The following TENM3 variants were observed in gnomAD, a reference collection of about 807,000 sequenced individuals.
The protein encoded by TENM3 is teneurin transmembrane protein 3.
A neutral mutation model predicts 255.1 loss-of-function variants in TENM3; 63 were observed. The observed-to-expected ratio is 0.25, with a 90% CI of 0.20 to 0.30. The LOEUF (loss-of-function observed/expected upper bound fraction) is 0.30, where lower values mean the gene tolerates loss of function less well. TENM3 is among the 10% of genes least tolerant of loss of function. The pLI is 1.00. For synonymous variants in TENM3, 1,306 were observed against 1,322.3 expected, an observed-to-expected ratio of 0.99 and a Z score of 0.27; for missense variants, 2,929 against 3,461.1, an observed-to-expected ratio of 0.85 and a Z score of 3.86.
At chr4:181,527,610 G>A in the TENM3 span, among the ~76,000 whole-genome samples, 6 of 149,612 alleles carry the variant, frequency 4.0e-5, no homozygotes, top group Non-Finnish European at 7.4e-5. Context: ...AAGCCACCAT[G>A]CCCAGCCAGG....
the TENM3 span, among the ~76,000 whole-genome samples, chr4:181,521,849 C>A: frequency 3.9e-5 from 6 of 152,076 alleles, no homozygotes; most frequent in Admixed American, 3.3e-4. Flanking sequence ...GTAATCCCAG[C>A]ACTTTGGAAG....
chr4:181,969,176 C>G, the TENM3 span, among the ~76,000 whole-genome samples: 2 of 152,132 alleles, frequency 1.3e-5, no homozygotes. Flanking sequence ...GCGTATTGTT[C>G]CACTGCCAAA....
chr4:181,714,939 A>G, the TENM3 span, among the ~76,000 whole-genome samples: 8 of 152,236 alleles, frequency 5.3e-5, no homozygotes, highest in African/African-American at 1.9e-4. Flanking sequence ...AAGTTCTCAG[A>G]AGCAATGAAC....
intron 3 of TENM3, among the ~76,000 whole-genome samples, chr4:182,460,525 C>A (rs1031972955): frequency 2.0e-5 from 3 of 151,974 alleles, no homozygotes; most frequent in African/African-American, 7.3e-5. Context: ...CTAGCGGTTG[C>A]CTGTGAAAGG....
At chr4:181,646,199 G>C in the TENM3 span, among the ~76,000 whole-genome samples, 1 of 152,196 alleles carries the variant, frequency 6.6e-6, no homozygotes, top group Admixed American at 6.5e-5. Flanking sequence ...AGATACACGA[G>C]CAATTATGTG....
At chr4:181,508,775 A>T in the TENM3 span, among the ~76,000 whole-genome samples, 1 of 151,704 alleles carries the variant, frequency 6.6e-6, no homozygotes, top group Admixed American at 6.6e-5. Context: ...CATCCCACTG[A>T]TGCCAGGAAG....
At chr4:182,734,121 A>G (rs896987635) in intron 16 of TENM3, among the ~76,000 whole-genome samples, 2 of 152,240 alleles carry the variant, frequency 1.3e-5, no homozygotes, top group African/African-American at 4.8e-5. Context: ...GAAGAATGAT[A>G]CAAGTTCAAA....
chr4:182,250,645 G>A (rs529956825), intron 1 of TENM3, among the ~76,000 whole-genome samples: 2 of 152,264 alleles, frequency 1.3e-5, no homozygotes, highest in South Asian at 2.1e-4. Flanking sequence ...GAATTCTTAC[G>A]TGTGAATGAT....
At chr4:181,941,814 G>C in the TENM3 span, among the ~76,000 whole-genome samples, 1 of 152,110 alleles carries the variant, frequency 6.6e-6, no homozygotes, top group South Asian at 2.1e-4. Context: ...TTCCCTGCCA[G>C]CTCCAGTTGT....
chr4:181,880,369 A>G, the TENM3 span, among the ~76,000 whole-genome samples: 1 of 152,228 alleles, frequency 6.6e-6, no homozygotes, highest in Non-Finnish European at 1.5e-5. Flanking sequence ...TATCAATAAC[A>G]CATGCAAATA....
chr4:182,615,065 A>AAT (rs1749364146), intron 4 of TENM3, among the ~76,000 whole-genome samples: 1 of 119,820 alleles, frequency 8.3e-6, no homozygotes, highest in Admixed American at 9.2e-5. Flanking sequence ...ATATATATAT[A>AAT]TGTATTTTTT....
Position 182,517,629 on chromosome 4 carries a change from C to T in TENM3, c.512-83295C>T, listed in dbSNP as rs531648752. Among the ~76,000 whole-genome samples the T allele has an allele frequency of 2.3e-5, 3 of 130,082 alleles. No individual in the cohort carries two copies. The South Asian group carries it at 6.8e-4, about 29-fold the overall frequency. The allele number at this position is 130,082 out of a possible 152,430, so 85.3% of individuals were successfully genotyped here. ...CGATCTCCTGACCTCGTGATCCGCC[C>T]GCCTCGGCCTCCCAAAGTGCTGGGA... On this transcript the variant is annotated intron_variant, in intron 3 of 27. Coordinates refer to ENST00000511685, the MANE Select transcript of TENM3 (RefSeq NM_001080477.4).
intron 3 of TENM3, among the ~76,000 whole-genome samples, chr4:182,480,119 A>T (rs1313199256): frequency 6.6e-6 from 1 of 152,006 alleles, no homozygotes; most frequent in Non-Finnish European, 1.5e-5. Flanking sequence ...TACGATCTAT[A>T]TTATTGTAGA....
At chr4:182,262,120 A>G (rs1758839043) in intron 1 of TENM3, among the ~76,000 whole-genome samples, 1 of 152,198 alleles carries the variant, frequency 6.6e-6, no homozygotes, top group Non-Finnish European at 1.5e-5. Flanking sequence ...ATAAGGAAGA[A>G]CTGCATTTTT....
At chr4:181,550,941 AAGTC>A in the TENM3 span, among the ~76,000 whole-genome samples, 44,012 of 151,866 alleles carry the variant, frequency 0.29, 7,042 homozygotes, top group Non-Finnish European at 0.36. Context: ...CCATTCCTGT[AAGTC>A]AGTGGGCTCA....
chr4:182,112,591 T>G, the TENM3 span, among the ~76,000 whole-genome samples: 4 of 152,204 alleles, frequency 2.6e-5, no homozygotes, highest in African/African-American at 9.6e-5. Context: ...TAAAAGGATT[T>G]TATTTTACTC....
chr4:181,514,278 G>GT, the TENM3 span, among the ~76,000 whole-genome samples: 1 of 151,916 alleles, frequency 6.6e-6, no homozygotes, highest in East Asian at 1.9e-4. Flanking sequence ...ACAGTAAAAA[G>GT]TTTTTAAAAA....
the TENM3 span, among the ~76,000 whole-genome samples, chr4:181,452,547 C>T: frequency 8.5e-5 from 13 of 152,106 alleles, no homozygotes; most frequent in Admixed American, 3.9e-4. Context: ...TGAAGAAGGA[C>T]ATGTTTGCTT....
At chr4:182,156,647 G>C (rs181813716) in intron 1 of TENM3, among the ~76,000 whole-genome samples, 111 of 151,448 alleles carry the variant, frequency 7.3e-4, no homozygotes, top group African/African-American at 2.3e-3. Flanking sequence ...AGAGAGAAAC[G>C]TATTAAACCC....
Sources: gnomAD v4.1 joint callset for allele counts (sites outside exome capture counted in the v4.1 genomes callset) on GRCh38, gnomAD v4.1.1 for gene constraint, MANE v1.5 for transcripts, NCBI Gene and HGNC (gene_info 2026-07-23, HGNC 2026-07-21) for gene names.